The following MACROD2 variants were observed in gnomAD, a reference collection of about 807,000 sequenced individuals.
The protein encoded by MACROD2 is mono-ADP ribosylhydrolase 2, also known as ADP-ribose glycohydrolase MACROD2.
Under a neutral mutation model 70.4 loss-of-function variants are expected in MACROD2, and 36 were observed. That is an observed-to-expected ratio of 0.51 (90% CI 0.39 to 0.68). The LOEUF (loss-of-function observed/expected upper bound fraction) is 0.68, where lower values mean the gene tolerates loss of function less well. MACROD2 is among the 30% of genes least tolerant of loss of function. The pLI is 0.00. For missense variants in MACROD2, 496 were observed against 538.4 expected (o/e 0.92, Z 0.78); for synonymous variants, 172 against 178.8 (o/e 0.96, Z 0.30).
intron 5 of MACROD2, among the ~76,000 whole-genome samples, chr20:14,839,757 G>GC (rs1348753349): frequency 6.6e-6 from 1 of 152,014 alleles, no homozygotes; most frequent in Non-Finnish European, 1.5e-5. Flanking sequence ...GAAAAAGAGA[G>GC]CCCCCTCCCC....
At chr20:14,450,083 A>G (rs1223590698) in intron 3 of MACROD2, among the ~76,000 whole-genome samples, 1 of 152,156 alleles carries the variant, frequency 6.6e-6, no homozygotes, top group African/African-American at 2.4e-5. Context: ...TATAAAAAAC[A>G]AAAAAGACAA....
chr20:16,038,042 A>C (rs946870632), intron 15 of MACROD2, among the ~76,000 whole-genome samples: 2 of 148,986 alleles, frequency 1.3e-5, no homozygotes, highest in African/African-American at 5.1e-5. Context: ...CAAATTTGAA[A>C]ATCTTTTTTT....
intron 17 of MACROD2, among the ~76,000 whole-genome samples, chr20:16,048,297 G>C (rs1020325408): frequency 6.6e-6 from 1 of 151,552 alleles, no homozygotes; most frequent in African/African-American, 2.4e-5. Flanking sequence ...AAATTTTGAA[G>C]ATTTTATAAA....
chr20:15,689,047 T>C (rs2050264654), intron 8 of MACROD2, among the ~76,000 whole-genome samples: 1 of 152,246 alleles, frequency 6.6e-6, no homozygotes, highest in African/African-American at 2.4e-5. Context: ...CTCACGCCTG[T>C]AATCCCAGCA....
At chr20:15,948,665 T>A (rs2065863206) in intron 12 of MACROD2, among the ~76,000 whole-genome samples, 1 of 152,118 alleles carries the variant, frequency 6.6e-6, no homozygotes, top group Non-Finnish European at 1.5e-5. Flanking sequence ...AAAATAAACT[T>A]CTTTTAAGGA....
intron 7 of MACROD2, among the ~76,000 whole-genome samples, chr20:15,440,130 A>G (rs1170982812): frequency 6.6e-6 from 1 of 152,214 alleles, no homozygotes; most frequent in Non-Finnish European, 1.5e-5. Flanking sequence ...GAGAGTCAAT[A>G]TAGTTAACAG....
chr20:15,644,444 C>G (rs1228984766), intron 8 of MACROD2, among the ~76,000 whole-genome samples: 2 of 152,168 alleles, frequency 1.3e-5, no homozygotes, highest in African/African-American at 4.8e-5. Flanking sequence ...TTCACCCTTC[C>G]CCTCCTCAGC....
At chr20:14,131,828 T>G (rs970694679) in intron 3 of MACROD2, among the ~76,000 whole-genome samples, 1 of 151,956 alleles carries the variant, frequency 6.6e-6, no homozygotes, top group Non-Finnish European at 1.5e-5. Flanking sequence ...TAAGAGATTC[T>G]CTTACGGTTT....
chr20:14,239,446 G>T (rs772951839), intron 3 of MACROD2, among the ~76,000 whole-genome samples: 14 of 152,272 alleles, frequency 9.2e-5, no homozygotes, highest in Non-Finnish European at 1.5e-4. Context: ...AAATGCTGGA[G>T]ACATTTTCTA....
intron 5 of MACROD2, among the ~76,000 whole-genome samples, chr20:15,181,499 AT>A (rs2076500393): frequency 6.6e-6 from 1 of 152,220 alleles, no homozygotes; most frequent in Non-Finnish European, 1.5e-5. Context: ...TGTTGGGGTT[AT>A]ATGTCTATCC....
chr20:15,590,685 C>G (rs2048665023), intron 8 of MACROD2, among the ~76,000 whole-genome samples: 1 of 152,032 alleles, frequency 6.6e-6, no homozygotes, highest in African/African-American at 2.4e-5. Flanking sequence ...GAGTTTGAGA[C>G]CAGCCTGGCC....
At chr20:14,332,402 C>T (rs1476554976) in intron 3 of MACROD2, among the ~76,000 whole-genome samples, 1 of 152,002 alleles carries the variant, frequency 6.6e-6, no homozygotes, top group Non-Finnish European at 1.5e-5. Flanking sequence ...GATTTCTTCC[C>T]TGCTACTACA....
chr20:14,289,057 G>A (rs2042536593), intron 3 of MACROD2, among the ~76,000 whole-genome samples: 1 of 152,100 alleles, frequency 6.6e-6, no homozygotes. Context: ...CAGCCCTGAG[G>A]TTAGAAATAG....
At chr20:15,717,108 G>A (rs755289356) in intron 8 of MACROD2, among the ~76,000 whole-genome samples, 1 of 152,158 alleles carries the variant, frequency 6.6e-6, no homozygotes, top group Non-Finnish European at 1.5e-5. Flanking sequence ...AATTACAGTT[G>A]TTTGTTACAT....
At chr20:15,176,704 G>C (rs1056428842) in intron 5 of MACROD2, among the ~76,000 whole-genome samples, 1 of 152,246 alleles carries the variant, frequency 6.6e-6, no homozygotes, top group Non-Finnish European at 1.5e-5. Flanking sequence ...TGTGGAACAA[G>C]AACTCAGGAC....
At chr20:15,778,400 C>G (rs1183618761) in intron 8 of MACROD2, among the ~76,000 whole-genome samples, 1 of 151,962 alleles carries the variant, frequency 6.6e-6, no homozygotes, top group Non-Finnish European at 1.5e-5. Flanking sequence ...TTACTCTGAG[C>G]TCTATTACTC....
chr20:14,782,499 T>G (rs1211887003), intron 5 of MACROD2, among the ~76,000 whole-genome samples: 1 of 152,096 alleles, frequency 6.6e-6, no homozygotes, highest in Non-Finnish European at 1.5e-5. Flanking sequence ...AGTTGAAGAT[T>G]CCTCAAATGC....
intron 7 of MACROD2, among the ~76,000 whole-genome samples, chr20:15,478,492 T>C (rs886436445): frequency 1.3e-5 from 2 of 152,160 alleles, no homozygotes; most frequent in African/African-American, 4.8e-5. Flanking sequence ...GCACTGGAAT[T>C]ACCTGCCACC....
intron 8 of MACROD2, among the ~76,000 whole-genome samples, chr20:15,662,715 GT>G (rs11478090): frequency 0.47 from 69,548 of 146,726 alleles, 16,335 homozygotes; most frequent in East Asian, 0.61. Context: ...CTCAGAGAGG[GT>G]TTTTTTTTTT....
Sources: gnomAD v4.1 joint callset for allele counts (sites outside exome capture counted in the v4.1 genomes callset) on GRCh38, gnomAD v4.1.1 for gene constraint, MANE v1.5 for transcripts, NCBI Gene and HGNC (gene_info 2026-07-23, HGNC 2026-07-21) for gene names.